Variants in FKBP6 observed in about 807,000 individuals in gnomAD.
FKBP6 encodes the protein FKBP prolyl isomerase family member 6 (inactive).
FKBP6 carries 29 observed loss-of-function variants against 41.7 expected under a neutral mutation model. That is an observed-to-expected ratio of 0.70 (90% CI 0.52 to 0.95). FKBP6 has a LOEUF of 0.95. Among genes scored for constraint, FKBP6 ranks in the 40% least tolerant of loss-of-function variants. The pLI, the probability that FKBP6 is intolerant of heterozygous loss-of-function variation, is 0.00. For synonymous variants in FKBP6, 130 were observed against 165.1 expected (o/e 0.79, Z 1.63); for missense variants, 338 against 408.7 (o/e 0.83, Z 1.49).
At chr7:73,343,032 A>C (rs1805237530) in intron 8 of FKBP6, 133 bp downstream of exon 8, 3 of 734,748 alleles carry the variant, frequency 4.1e-6, no homozygotes, top group Non-Finnish European at 2.5e-6. Flanking sequence ...GCTGTAAAGA[A>C]CAACACAACG....
chr7:73,337,571 C>T (rs1805045758), intron 5 of FKBP6, among the ~76,000 whole-genome samples: 1 of 152,090 alleles, frequency 6.6e-6, no homozygotes, highest in Non-Finnish European at 1.5e-5. Context: ...GCCTCGGTCT[C>T]CCAAAGTGCT....
In FKBP6 at chr7:73,356,061, G is replaced by A. The variant is rs527397623; in HGVS notation, c.*3-2120G>A. Among the ~76,000 whole-genome samples, 7 of 87,452 alleles carry A rather than the reference G, an allele frequency of 8.0e-5. No individual in the cohort carries two copies. In the East Asian group the frequency reaches 2.6e-3, roughly 33 times the overall value. 57.4% of individuals were successfully genotyped at this position (87,452 alleles called of 152,430 possible). On this transcript the variant is annotated intron_variant, in intron 8 of 8. Transcript: ENST00000252037. The stretch of plus-strand genomic sequence containing the variant: ...AGCCTGGGCGACAGAGCAAGACTCT[G>A]TCTCAAAAAAAAAAAAAAAAAAAAA...
chr7:73,328,217 C>T lies in FKBP6; in HGVS notation c.-212C>T, dbSNP rs1804693889. 6.5e-7 allele frequency: 1 copy of T among 1,549,036 alleles called. No individual in the cohort carries two copies. The highest frequency in any genetic ancestry group is 8.7e-7 in the Non-Finnish European group (1 of 1,146,594). ...TACCTCGCACCTCACCGCGTGGCCTCTGTAGTTCCAGAGCTCGCGAGGGCC... is the reference window on the plus strand; with the variant it reads ...TACCTCGCACCTCACCGCGTGGCCTTTGTAGTTCCAGAGCTCGCGAGGGCC... On this transcript the variant is annotated 5_prime_UTR_variant, in exon 1 of 9. Transcript: ENST00000252037.
Position 73,341,354 on chromosome 7 carries a change from A to G in FKBP6, c.865A>G (p.Ile289Val). ...GAAGGAGCAACCCTTCAATCATGACATCAATAATGAGCTGAAGAAACTGGC... is the reference window on the plus strand; with the variant it reads ...GAAGGAGCAACCCTTCAATCATGACGTCAATAATGAGCTGAAGAAACTGGC... ...AQKEQPFNHD[I>V]NNELKKLASC... The change falls in exon 7 of 9, where the codon ATC (isoleucine) becomes GTC (valine). Residue 289 changes from isoleucine to valine, a missense_variant. By Grantham distance (29) the Ile-to-Val change is conservative (BLOSUM62 3). Around this residue, in one of 2 missense-constraint regions of FKBP6, gnomAD observed 239 missense variants for 250.1 expected, o/e 0.96. Coordinates refer to ENST00000252037, the MANE Select transcript of FKBP6 (RefSeq NM_003602.5). 1.2e-6 allele frequency: 2 copies of G among 1,611,846 alleles called. No homozygotes were observed. Among genetic ancestry groups the G allele is most frequent in the East Asian group, 2.2e-5 (1 of 44,868 alleles).
intron 8 of FKBP6, among the ~76,000 whole-genome samples, chr7:73,351,821 G>A (rs1227443950): frequency 2.0e-5 from 3 of 152,098 alleles, no homozygotes; most frequent in Non-Finnish European, 2.9e-5. Context: ...TTTGCTGATC[G>A]TCCACAATCA....
At chr7:73,356,470 C>T (rs1002131335) in intron 8 of FKBP6, among the ~76,000 whole-genome samples, 3 of 152,238 alleles carry the variant, frequency 2.0e-5, no homozygotes, top group Admixed American at 6.5e-5. Flanking sequence ...GATTCCATTC[C>T]GTCGCTTTGC....
chr7:73,341,389 T>G lies in FKBP6; in HGVS notation c.893+7T>G. Reference sequence around the variant, plus strand: ...AGCTGAAGAAACTGGCTAGGTGAGCTGTGTTTGCAGGAGCATGAAGAGAGA... The same window carrying G: ...AGCTGAAGAAACTGGCTAGGTGAGCGGTGTTTGCAGGAGCATGAAGAGAGA... On this transcript the variant is annotated splice_region_variant and intron_variant, in intron 7 of 8. Coordinates refer to ENST00000252037, the MANE Select transcript of FKBP6 (RefSeq NM_003602.5). 2 of 1,543,266 alleles carry G rather than the reference T, an allele frequency of 1.3e-6. No individual in the cohort carries two copies. The highest frequency in any genetic ancestry group is 9.0e-7 in the Non-Finnish European group (1 of 1,115,590).
chr7:73,332,344 G>T (rs553854009), intron 5 of FKBP6, among the ~76,000 whole-genome samples: 1 of 151,908 alleles, frequency 6.6e-6, no homozygotes, highest in Non-Finnish European at 1.5e-5. Flanking sequence ...TTAGCCGGGC[G>T]TGGTGGTGGG....
At chr7:73,356,091 AAGTG>A (rs1805625366) in intron 8 of FKBP6, among the ~76,000 whole-genome samples, 1 of 151,090 alleles carries the variant, frequency 6.6e-6, no homozygotes, top group African/African-American at 2.4e-5. Flanking sequence ...AAAAAAAAAA[AAGTG>A]AGTGTATATG....
chr7:73,347,173 T>A (rs1029986409), intron 8 of FKBP6, among the ~76,000 whole-genome samples: 4 of 152,256 alleles, frequency 2.6e-5, no homozygotes, highest in African/African-American at 9.6e-5. Flanking sequence ...GCCTAGCATT[T>A]ATACTGTTTT....
intron 2 of FKBP6, 47 bp downstream of exon 2, chr7:73,328,739 T>C (rs782036857): frequency 1.2e-6 from 2 of 1,611,916 alleles, no homozygotes; most frequent in Non-Finnish European, 8.5e-7. Flanking sequence ...CATCGCACTC[T>C]GTTGGGAAGA....
At chr7:73,336,169 G>T (rs1226035522) in intron 5 of FKBP6, among the ~76,000 whole-genome samples, 1 of 152,186 alleles carries the variant, frequency 6.6e-6, no homozygotes, top group Non-Finnish European at 1.5e-5. Context: ...AAGAGGTGAG[G>T]CCTCTGGGAG....
At chr7:73,355,467 C>T (rs1463465949) in intron 8 of FKBP6, among the ~76,000 whole-genome samples, 7 of 152,114 alleles carry the variant, frequency 4.6e-5, no homozygotes, top group African/African-American at 1.4e-4. Context: ...GGGATCCCTT[C>T]GTCTGTAGGG....
chr7:73,336,912 A>G (rs1453926758), intron 5 of FKBP6: 2 of 389,514 alleles, frequency 5.1e-6, no homozygotes, highest in Non-Finnish European at 1.1e-5. Context: ...ATGAAGTTGT[A>G]TATATAAGAG....
intron 8 of FKBP6, among the ~76,000 whole-genome samples, chr7:73,353,006 T>C (rs1805531555): frequency 6.6e-6 from 1 of 152,216 alleles, no homozygotes; most frequent in Admixed American, 6.5e-5. Context: ...CTAGAGAGGC[T>C]GCCTGCATTT....
In FKBP6 at chr7:73,332,370, C is replaced by T. The variant is rs575059628; in HGVS notation, c.588+594C>T. Among the ~76,000 whole-genome samples the T allele has an allele frequency of 4.0e-5, 6 of 151,822 alleles. No homozygotes were observed. In the South Asian group the frequency reaches 1.3e-3, roughly 32 times the overall value. The stretch of plus-strand genomic sequence containing the variant: ...TGGTGGTGGGTGCCTGTAATCCCAG[C>T]TACTTGGGAGGCTGAGGCAAGAGAA... On this transcript the variant is annotated intron_variant, in intron 5 of 8. Transcript: ENST00000252037.
chr7:73,353,283 C>T (rs1805539716), intron 8 of FKBP6, among the ~76,000 whole-genome samples: 3 of 152,174 alleles, frequency 2.0e-5, no homozygotes, highest in Admixed American at 6.6e-5. Context: ...TCCCTTCTGC[C>T]ATGTATGGTA....
rs201144674 is a variant in FKBP6 at position 73,328,624 on chromosome 7, G to A, written c.107G>A (p.Arg36Gln). ...SQRMLDISGD[R>Q]GVLKDVIREG... ...AGGATGCTGGACATCTCGGGGGACC[G>A]GGGCGTGCTGAAGGACGTCATCCGA... Residue 36 changes from arginine to glutamine, a missense_variant, in exon 2 of 9, where the codon CGG becomes CAG. By Grantham distance (43) the Arg-to-Gln change is conservative. Transcript: ENST00000252037. 4,662 of 1,610,476 alleles carry A rather than the reference G, an allele frequency of 2.9e-3. 13 individuals are homozygous for A. The highest frequency in any genetic ancestry group is 7.2e-3 in the Middle Eastern group (32 of 4,424).
At chr7:73,336,941 G>A (rs1805023698) in intron 5 of FKBP6, 1 of 321,188 alleles carries the variant, frequency 3.1e-6, no homozygotes, top group Admixed American at 4.0e-5. Context: ...AACAGAAGAA[G>A]GGAATGACTT....
Sources: gnomAD v4.1 joint callset for allele counts (sites outside exome capture counted in the v4.1 genomes callset) on GRCh38, gnomAD v4.1.1 for gene constraint, gnomAD v4.1.1 regional missense constraint, MANE v1.5 for transcripts, NCBI Gene and HGNC (gene_info 2026-07-23, HGNC 2026-07-21) for gene names.